MYB: variants seen among roughly 807,000 people sequenced by gnomAD.
MYB encodes the protein transcriptional activator Myb.
MYB carries 28 observed loss-of-function variants against 92.9 expected under a neutral mutation model. The observed-to-expected ratio is 0.30, with a 90% confidence interval of 0.22 to 0.41. The LOEUF is 0.41. Ranked by LOEUF, MYB falls within the 10% of genes least tolerant of loss-of-function variation. The probability of loss-of-function intolerance (pLI) is 1.00; values close to 1 mark genes in which losing one functional copy is unlikely to be tolerated. For missense variants in MYB, 679 were observed against 929.3 expected (o/e 0.73, Z 3.50); for synonymous variants, 295 against 329.1 (o/e 0.90, Z 1.12).
At chr6:135,193,153 T>C (rs1776845439) in intron 6 of MYB, among the ~76,000 whole-genome samples, 1 of 152,196 alleles carries the variant, frequency 6.6e-6, no homozygotes, top group Admixed American at 6.5e-5. Context: ...GTTGGATCAG[T>C]GTGATCCCTT....
intron 5 of MYB, among the ~76,000 whole-genome samples, chr6:135,191,893 T>C (rs374933560): frequency 3.3e-4 from 51 of 152,320 alleles, no homozygotes; most frequent in African/African-American, 1.2e-3. Context: ...CAGCAGCATC[T>C]TATCATCCAC....
At chr6:135,192,837 C>T (rs1776795193) in intron 6 of MYB, among the ~76,000 whole-genome samples, 1 of 152,188 alleles carries the variant, frequency 6.6e-6, no homozygotes, top group African/African-American at 2.4e-5. Context: ...TAAATTGCTG[C>T]TTCAAATCTA....
chr6:135,211,355 G>C (rs17064301), intron 15 of MYB, among the ~76,000 whole-genome samples: 30 of 151,690 alleles, frequency 2.0e-4, no homozygotes, highest in Non-Finnish European at 4.1e-4. Context: ...TCTGTGTATA[G>C]CTTTTGGGTT....
rs1417361341 is a variant in MYB, at chr6:135,190,680, A to C, written c.527+333A>C. ...TGGTAAACTATAAAACTCTAAATGC[A>C]TAGAAAGAAACTGAAGACAGTTTGT... On this transcript the variant is annotated intron_variant, in intron 5 of 15. Transcript: ENST00000341911. This position sits in a 1 kb window ranked among gnomAD's most constrained non-coding sequence, Gnocchi z 4.5. Among the ~76,000 whole-genome samples the C allele has an allele frequency of 6.6e-6, 1 of 152,366 alleles. No homozygotes were observed. Among genetic ancestry groups the C allele is most frequent in the East Asian group, 1.9e-4 (1 of 5,190 alleles).
At position 135,186,162 on chromosome 6, in the gene MYB, C is replaced by G. The variant is rs1217344923; in HGVS notation, c.141+142C>G. The stretch of plus-strand genomic sequence containing the variant: ...TCCTAGCCCGCATGTGCAGCGTGCC[C>G]TATGCCCCCCACTTCATTATATTAT... On this transcript the variant is annotated intron_variant, in intron 2 of 15. Transcript: ENST00000341911. 1.1e-5 allele frequency: 7 copies of G among 637,108 alleles called. No homozygotes were observed. The East Asian group carries it at 1.7e-4, about 15-fold the overall frequency. The allele number at this position is 637,108 out of a possible 1,614,324, so 39.5% of individuals were successfully genotyped here.
chr6:135,188,097 A>G (rs931216202), intron 3 of MYB, among the ~76,000 whole-genome samples, 192 bp downstream of exon 3: 7 of 152,150 alleles, frequency 4.6e-5, no homozygotes, highest in African/African-American at 1.7e-4. Flanking sequence ...GATTATTAGA[A>G]TCGATTATTA....
intron 1 of MYB, among the ~76,000 whole-genome samples, chr6:135,184,026 T>C (rs999665846): frequency 6.6e-6 from 1 of 152,168 alleles, no homozygotes; most frequent in East Asian, 1.9e-4. Flanking sequence ...TCACCTGACG[T>C]TGGCTGCCCC....
chr6:135,188,620 G>A (rs940204359), intron 3 of MYB, among the ~76,000 whole-genome samples: 5 of 150,410 alleles, frequency 3.3e-5, no homozygotes, highest in East Asian at 2.0e-4. Flanking sequence ...AGCGATTCTC[G>A]TGCCTCAGCC....
chr6:135,190,490 G>T lies in MYB; in HGVS notation c.527+143G>T. Reference sequence around the variant, plus strand: ...ATAAACCAGCTACATAGCTTTTAGAGATTGAAGACATCTTAGAGTTTATTT... The same window carrying T: ...ATAAACCAGCTACATAGCTTTTAGATATTGAAGACATCTTAGAGTTTATTT... On this transcript the variant is annotated intron_variant, in intron 5 of 15. Coordinates refer to ENST00000341911, the MANE Select transcript of MYB (RefSeq NM_001130173.2). The surrounding 1 kb of genome is among the most constrained non-coding windows in gnomAD (Gnocchi z 4.5). The T allele has an allele frequency of 1.4e-6, 1 of 695,980 alleles. No individual in the cohort carries two copies. Among genetic ancestry groups the T allele is most frequent in the Middle Eastern group, 4.0e-4 (1 of 2,526 alleles). The allele number at this position is 695,980 out of a possible 1,614,324, so 43.1% of individuals were successfully genotyped here. A position where few individuals can be genotyped will look rare whatever the true frequency, so the allele number is the denominator to read the frequency against.
At chr6:135,200,641 T>G in intron 13 of MYB, 1 of 606,548 alleles carries the variant, frequency 1.6e-6, no homozygotes, top group Non-Finnish European at 3.0e-6. Flanking sequence ...ACAGAAAACA[T>G]ACTAGAGAGT....
chr6:135,217,732 A>G (rs1583458514), intron 15 of MYB, 132 bp from the exon 16 acceptor site: 1 of 729,110 alleles, frequency 1.4e-6, no homozygotes, highest in Non-Finnish European at 2.5e-6. Context: ...GGGGCCAGGG[A>G]GGTAAGATTC....
At position 135,218,126 on chromosome 6, in the gene MYB, A is replaced by T; in HGVS notation, c.*146A>T. Reference sequence around the variant, plus strand: ...GTTGAGAGCAGCACCAAGTGCATTTAGTTGAATGAAGTCTTCTTGGATTTC... The same window carrying T: ...GTTGAGAGCAGCACCAAGTGCATTTTGTTGAATGAAGTCTTCTTGGATTTC... On this transcript the variant is annotated 3_prime_UTR_variant, in exon 16 of 16. Transcript: ENST00000341911. 1.7e-6 allele frequency: 1 copy of T among 600,178 alleles called. No homozygotes were observed. Among genetic ancestry groups the T allele is most frequent in the East Asian group, 3.1e-5 (1 of 32,410 alleles). 37.2% of individuals were successfully genotyped at this position (600,178 alleles called of 1,614,324 possible). A position where few individuals can be genotyped will look rare whatever the true frequency, so the allele number is the denominator to read the frequency against.
At chr6:135,184,243 G>C (rs1283218719) in intron 1 of MYB, among the ~76,000 whole-genome samples, 1 of 151,754 alleles carries the variant, frequency 6.6e-6, no homozygotes, top group African/African-American at 2.4e-5. Flanking sequence ...ATTTCACAAG[G>C]GACTGCATTT....
rs1780757988 is a variant in MYB at position 135,218,932 on chromosome 6, C to T, written c.*952C>T. Reference sequence around the variant, plus strand: ...TTCTATGTTTTGTTTTGAGTGTAGCCTGACTGTTTTATAATTTGGGAGTTC... The same window carrying T: ...TTCTATGTTTTGTTTTGAGTGTAGCTTGACTGTTTTATAATTTGGGAGTTC... On this transcript the variant is annotated 3_prime_UTR_variant, in exon 16 of 16. Coordinates refer to ENST00000341911, the MANE Select transcript of MYB (RefSeq NM_001130173.2). 1 of 227,582 alleles carries T rather than the reference C, an allele frequency of 4.4e-6. No individual in the cohort carries two copies. Among genetic ancestry groups the T allele is most frequent in the Non-Finnish European group, 8.8e-6 (1 of 114,220 alleles). 14.1% of individuals were successfully genotyped at this position (227,582 alleles called of 1,614,324 possible).
At position 135,218,078 on chromosome 6, in the gene MYB, C is replaced by T. The variant is rs1443944466; in HGVS notation, c.*98C>T. On this transcript the variant is annotated 3_prime_UTR_variant, in exon 16 of 16. Transcript: ENST00000341911. Reference sequence around the variant, plus strand: ...AAACTTTTCATGAATGGGAGAAGAACCTATTTTTGTTGTGGTACAACAGTT... The same window carrying T: ...AAACTTTTCATGAATGGGAGAAGAATCTATTTTTGTTGTGGTACAACAGTT... 8.3e-6 allele frequency: 8 copies of T among 967,504 alleles called. No individual in the cohort carries two copies. The highest frequency in any genetic ancestry group is 1.6e-5 in the African/African-American group (1 of 61,760). 59.9% of individuals were successfully genotyped at this position (967,504 alleles called of 1,614,324 possible). A position where few individuals can be genotyped will look rare whatever the true frequency, so the allele number is the denominator to read the frequency against.
chr6:135,211,603 A>G (rs1258812114), intron 15 of MYB, among the ~76,000 whole-genome samples: 2 of 152,296 alleles, frequency 1.3e-5, no homozygotes, highest in East Asian at 3.9e-4. Flanking sequence ...GACTAAGGAA[A>G]AGGATATTGC....
chr6:135,183,155 C>T (rs1775377870), intron 1 of MYB, among the ~76,000 whole-genome samples: 1 of 151,836 alleles, frequency 6.6e-6, no homozygotes. Context: ...TTCCCTGAGG[C>T]TCCAGGTAGC....
chr6:135,214,193 G>C (rs1780118977), intron 15 of MYB, among the ~76,000 whole-genome samples: 1 of 151,894 alleles, frequency 6.6e-6, no homozygotes, highest in South Asian at 2.1e-4. Flanking sequence ...GAGGCGGGAG[G>C]CTTGCTTGAG....
At position 135,218,222 on chromosome 6, in the gene MYB, G is replaced by C; in HGVS notation, c.*242G>C. On this transcript the variant is annotated 3_prime_UTR_variant, in exon 16 of 16. Transcript: ENST00000341911. ...ATTATTAGGTAATGAATTGTAGCCA[G>C]TTGTTAATATCTTAATGCAGATTTT... 5.0e-6 allele frequency: 2 copies of C among 401,518 alleles called. No homozygotes were observed. Among genetic ancestry groups the C allele is most frequent in the Non-Finnish European group, 8.9e-6 (2 of 224,422 alleles). 24.9% of individuals were successfully genotyped at this position (401,518 alleles called of 1,614,324 possible).
Sources: gnomAD v4.1 joint callset for allele counts (sites outside exome capture counted in the v4.1 genomes callset) on GRCh38, gnomAD v4.1.1 for gene constraint, Gnocchi (gnomAD v3.1) non-coding constraint, MANE v1.5 for transcripts, NCBI Gene and HGNC (gene_info 2026-07-23, HGNC 2026-07-21) for gene names.